AFG2A: variants seen among roughly 807,000 people sequenced by gnomAD.
AFG2A encodes ATPase family gene 2 protein homolog A.
the AFG2A span, among the ~76,000 whole-genome samples, chr4:123,085,383 G>C: frequency 6.6e-6 from 1 of 152,052 alleles, no homozygotes; most frequent in Non-Finnish European, 1.5e-5. Context: ...CTGATTTGTT[G>C]TTAGATGCAT....
At chr4:122,961,146 T>G in the AFG2A span, among the ~76,000 whole-genome samples, 5 of 152,212 alleles carry the variant, frequency 3.3e-5, no homozygotes, top group Admixed American at 3.3e-4. Flanking sequence ...AGAGTTCTTA[T>G]GAGGTTTAGT....
chr4:122,994,326 A>G, the AFG2A span, among the ~76,000 whole-genome samples: 20 of 152,134 alleles, frequency 1.3e-4, no homozygotes, highest in Admixed American at 8.5e-4. Context: ...TTTATCTACT[A>G]TTAAAAATTC....
the AFG2A span, among the ~76,000 whole-genome samples, chr4:123,240,975 C>G: frequency 1.3e-5 from 2 of 152,166 alleles, no homozygotes; most frequent in Non-Finnish European, 2.9e-5. Flanking sequence ...CACAGAAATA[C>G]AAACTACCAT....
At chr4:122,957,572 A>G in the AFG2A span, among the ~76,000 whole-genome samples, 1 of 152,226 alleles carries the variant, frequency 6.6e-6, no homozygotes, top group African/African-American at 2.4e-5. Context: ...TTCATTCTGC[A>G]TGGTAGATTT....
At chr4:123,040,890 A>G in the AFG2A span, among the ~76,000 whole-genome samples, 5 of 152,130 alleles carry the variant, frequency 3.3e-5, no homozygotes, top group Non-Finnish European at 7.4e-5. Flanking sequence ...CTTACAGTTT[A>G]AGTACCAATG....
At chr4:123,301,247 T>C in the AFG2A span, among the ~76,000 whole-genome samples, 2 of 152,210 alleles carry the variant, frequency 1.3e-5, no homozygotes, top group Non-Finnish European at 2.9e-5. Context: ...ATCTTTACTA[T>C]GTGGCCAACA....
At chr4:123,306,119 C>T in the AFG2A span, among the ~76,000 whole-genome samples, 1 of 152,218 alleles carries the variant, frequency 6.6e-6, no homozygotes, top group African/African-American at 2.4e-5. Context: ...TTTATACTCA[C>T]ATGTCCCTTT....
At chr4:123,140,357 T>C in the AFG2A span, among the ~76,000 whole-genome samples, 4 of 152,200 alleles carry the variant, frequency 2.6e-5, no homozygotes, top group African/African-American at 9.6e-5. Flanking sequence ...TTTTCTTCTT[T>C]TACTTACATT....
the AFG2A span, among the ~76,000 whole-genome samples, chr4:123,063,005 T>C: frequency 6.6e-6 from 1 of 152,184 alleles, no homozygotes; most frequent in Admixed American, 6.5e-5. Flanking sequence ...ATGTAGTTTG[T>C]TTTTTGTAAC....
the AFG2A span, among the ~76,000 whole-genome samples, chr4:123,227,101 TTTC>T: frequency 3.7e-4 from 57 of 152,164 alleles, no homozygotes; most frequent in Non-Finnish European, 6.9e-4. Context: ...TCTTCTCTCT[TTTC>T]TTCTTTATTA....
At chr4:123,086,783 T>C in the AFG2A span, among the ~76,000 whole-genome samples, 1 of 152,152 alleles carries the variant, frequency 6.6e-6, no homozygotes, top group Non-Finnish European at 1.5e-5. Context: ...TATATACATA[T>C]CCGTAAGTGC....
chr4:123,025,625 A>G, the AFG2A span, among the ~76,000 whole-genome samples: 1 of 152,194 alleles, frequency 6.6e-6, no homozygotes, highest in East Asian at 1.9e-4. Context: ...ATAGGAAACA[A>G]TCTACCTCAT....
chr4:123,131,957 TA>T, the AFG2A span, among the ~76,000 whole-genome samples: 1 of 152,236 alleles, frequency 6.6e-6, no homozygotes, highest in Non-Finnish European at 1.5e-5. Flanking sequence ...AACAAGGTTT[TA>T]AATTTCTGAT....
the AFG2A span, among the ~76,000 whole-genome samples, chr4:123,295,607 C>T: frequency 6.6e-6 from 1 of 152,342 alleles, no homozygotes; most frequent in South Asian, 2.1e-4. Context: ...CGCCTGTAAT[C>T]CCAACTCTGG....
the AFG2A span, among the ~76,000 whole-genome samples, chr4:123,126,288 C>G: frequency 1.3e-5 from 2 of 152,122 alleles, no homozygotes; most frequent in Admixed American, 1.3e-4. Context: ...GTCTTAACAG[C>G]CTTTTCCATG....
the AFG2A span, among the ~76,000 whole-genome samples, chr4:123,077,532 C>T: frequency 6.6e-6 from 1 of 152,148 alleles, no homozygotes; most frequent in Non-Finnish European, 1.5e-5. Context: ...ATTCACAGCA[C>T]AGCAAGCAGC....
the AFG2A span, among the ~76,000 whole-genome samples, chr4:123,008,781 T>C: frequency 1.3e-5 from 2 of 152,190 alleles, no homozygotes; most frequent in African/African-American, 2.4e-5. Flanking sequence ...TGAAACTTAA[T>C]CTGAAAACTA....
At chr4:123,314,711 C>G in the AFG2A span, 3 of 151,168 alleles carry the variant, frequency 2.0e-5, no homozygotes, top group African/African-American at 7.3e-5. Flanking sequence ...TAAGCCCACT[C>G]TAAGCCTAGA....
chr4:123,276,836 CTA>C, the AFG2A span, among the ~76,000 whole-genome samples: 1 of 152,016 alleles, frequency 6.6e-6, no homozygotes, highest in Non-Finnish European at 1.5e-5. Flanking sequence ...GTTCATTGGT[CTA>C]TGTTTCTGTT....
Sources: gnomAD v4.1 joint callset for allele counts (sites outside exome capture counted in the v4.1 genomes callset) on GRCh38, gnomAD v4.1.1 for gene constraint, MANE v1.5 for transcripts, NCBI Gene and HGNC (gene_info 2026-07-23, HGNC 2026-07-21) for gene names.